The following HYAL3 variants were observed in gnomAD, a reference collection of about 807,000 sequenced individuals.
The protein encoded by HYAL3 is hyaluronidase-3.
In HYAL3, 25 loss-of-function variants were observed where a neutral mutation model predicts 29.6. That is an observed-to-expected ratio of 0.85 (90% CI 0.62 to 1.18). The LOEUF (loss-of-function observed/expected upper bound fraction) is 1.18. Among genes scored for constraint, HYAL3 ranks in the 50% most tolerant of loss-of-function variants. The pLI, the probability that HYAL3 is intolerant of heterozygous loss-of-function variation, is 0.00. For synonymous variants in HYAL3, 215 were observed against 218.3 expected (o/e 0.99, Z 0.13); for missense variants, 442 against 548.4 (o/e 0.81, Z 1.94).
In HYAL3 at chr3:50,299,333, T is replaced by G. The variant is rs1702020367; in HGVS notation, c.-138A>C. 6.3e-7 allele frequency: 1 copy of G among 1,589,898 alleles called. No individual in the cohort carries two copies. Among genetic ancestry groups the G allele is most frequent in the Non-Finnish European group, 8.5e-7 (1 of 1,170,056 alleles). ...TTGGCCCCCAGCGGTGCGGCGGATG[T>G]TCTGCAGCCGTCGCGTCCTGCGGCA... On this transcript the variant is annotated 5_prime_UTR_variant, in exon 1 of 4. Coordinates refer to ENST00000336307, the MANE Select transcript of HYAL3 (RefSeq NM_003549.4).
In HYAL3 at chr3:50,296,635, G is replaced by A. The variant is rs74426485; in HGVS notation, c.-17-1016C>T. On this transcript the variant is annotated intron_variant, in intron 1 of 3. Coordinates refer to ENST00000336307, the MANE Select transcript of HYAL3 (RefSeq NM_003549.4). ...TCTTTTTCCATCCAGAATATGGGGC[G>A]CCCCCTCACATTTTGATATTGTGTC... The A allele has an allele frequency of 2.0e-4, 318 of 1,614,002 alleles. 1 individual carries two copies. The highest frequency in any genetic ancestry group is 2.3e-4 in the South Asian group (21 of 91,082).
chr3:50,293,023 G>C lies in HYAL3; in HGVS notation c.*223C>G, dbSNP rs781893168. ...ACTAGCTGGAACCTGACTCTCCCTG[G>C]AACTGCTTCCTTGCCATGGAGGACT... On this transcript the variant is annotated 3_prime_UTR_variant, in exon 4 of 4. Transcript: ENST00000336307. 5.3e-6 allele frequency: 8 copies of C among 1,498,032 alleles called. No homozygotes were observed. In the African/African-American group the frequency reaches 5.5e-5, roughly 10 times the overall value. 92.8% of individuals were successfully genotyped at this position (1,498,032 alleles called of 1,614,324 possible).
In HYAL3 at chr3:50,293,715, G is replaced by A. The variant is rs782417169; in HGVS notation, c.901C>T (p.Leu301Phe). 6.2e-6 allele frequency: 10 copies of A among 1,613,632 alleles called. No individual in the cohort carries two copies. The highest frequency in any genetic ancestry group is 7.6e-6 in the Non-Finnish European group (9 of 1,180,020). The change falls in exon 3 of 4, where the codon CTT (leucine) becomes TTT (phenylalanine). Residue 301 changes from leucine (L) to phenylalanine (F), a missense_variant. Transcript: ENST00000336307. ...RSGRFLSQDD[L>F]VQSIGVSAAL... is the part of the protein sequence containing the mutation. ...GCACTCACACCAATGGACTGCACAA[G>A]GTCATCCTGGAGGCAGAGAGCTGCT... is the stretch of plus-strand genomic sequence containing the variant.
chr3:50,293,837 AG>A lies in HYAL3; in HGVS notation c.895-117del, dbSNP rs1701750213. 3.2e-6 allele frequency: 3 copies of A among 931,836 alleles called. No homozygotes were observed. The Admixed American group carries it at 6.1e-5, about 19-fold the overall frequency. 57.7% of individuals were successfully genotyped at this position (931,836 alleles called of 1,614,324 possible). A position where few individuals can be genotyped will look rare whatever the true frequency, so the allele number is the denominator to read the frequency against. On this transcript the variant is annotated intron_variant, in intron 2 of 3. Transcript: ENST00000336307. ...CACAATCTGATTCTAACTCTACAGT[AG>A]GGACTCTCTAGTTTGGTTTGGTTTT...
rs781989637 is a variant in HYAL3, at chr3:50,295,538, G to C, written c.65C>G (p.Pro22Arg). The C allele has an allele frequency of 2.1e-5, 34 of 1,591,472 alleles. No homozygotes were observed. In the South Asian group the frequency reaches 3.8e-4, roughly 18 times the overall value. Residue 22 changes from proline (P) to arginine (R), a missense_variant, in exon 2 of 4, where the codon CCC becomes CGC. Pro to Arg is a moderately radical substitution (Grantham distance 103, BLOSUM62 -2). Coordinates refer to ENST00000336307, the MANE Select transcript of HYAL3 (RefSeq NM_003549.4). The part of the protein sequence containing the change: ...GVALCLGCGQ[P>R]LPQVPERPFS... ...GGGGCGTTCAGGGACCTGTGGTAGG[G>C]GCTGGCCACAACCCAGGCACAGGGC...
In HYAL3 at chr3:50,297,642, A is replaced by G. The variant is rs150868114; in HGVS notation, c.-18+1571T>C. The G allele has an allele frequency of 1.1e-3, 1,540 of 1,447,742 alleles. 14 individuals carry two copies. The African/African-American group carries it at 0.02, about 18-fold the overall frequency. 89.7% of individuals were successfully genotyped at this position (1,447,742 alleles called of 1,614,324 possible). A position where few individuals can be genotyped will look rare whatever the true frequency, so the allele number is the denominator to read the frequency against. On this transcript the variant is annotated intron_variant, in intron 1 of 3. Transcript: ENST00000336307. This position sits in a 1 kb window ranked among gnomAD's most constrained non-coding sequence, Gnocchi z 4.3. ...GTTAAGACCCCAGTCTCCAGGCAGTAGCATCTCTTCAGACCACAGTGGCTC... is the reference window on the plus strand; with the variant it reads ...GTTAAGACCCCAGTCTCCAGGCAGTGGCATCTCTTCAGACCACAGTGGCTC...
chr3:50,296,636 C>T (rs201689655), intron 1 of HYAL3: 1 of 1,614,060 alleles, frequency 6.2e-7, no homozygotes, highest in South Asian at 1.1e-5. Flanking sequence ...ATATGGGGCG[C>T]CCCCTCACAT....
intron 1 of HYAL3, chr3:50,298,673 AG>A: frequency 2.5e-6 from 2 of 815,806 alleles, no homozygotes; most frequent in Non-Finnish European, 3.0e-6. Flanking sequence ...CGGGCAGCTG[AG>A]CCCCCTCCTT....
At chr3:50,296,584 T>C (rs1429391268) in intron 1 of HYAL3, 2 of 1,612,136 alleles carry the variant, frequency 1.2e-6, no homozygotes, top group Middle Eastern at 3.4e-4. Flanking sequence ...AGAAAGACAG[T>C]TCCTTGCCCT....
At chr3:50,296,425 C>T in intron 1 of HYAL3, 4 of 674,734 alleles carry the variant, frequency 5.9e-6, no homozygotes, top group Non-Finnish European at 1.0e-5. Context: ...CTTTATTCAG[C>T]CACACTGACG....
At chr3:50,296,714 G>C in intron 1 of HYAL3, 7 of 1,613,264 alleles carry the variant, frequency 4.3e-6, no homozygotes, top group Non-Finnish European at 5.9e-6. Context: ...AGATGGTCAG[G>C]CACTCAGGTA....
rs1701719378 is a variant in HYAL3 at position 50,293,106 on chromosome 3, C to A, written c.*140G>T. On this transcript the variant is annotated 3_prime_UTR_variant, in exon 4 of 4. Coordinates refer to ENST00000336307, the MANE Select transcript of HYAL3 (RefSeq NM_003549.4). Reference sequence around the variant, plus strand: ...GCGTTTTTTCTGGCCCCTTCTACCCCTCAGGGATTCCAAGGGAAGCGGGGT... The same window carrying A: ...GCGTTTTTTCTGGCCCCTTCTACCCATCAGGGATTCCAAGGGAAGCGGGGT... 6.8e-7 allele frequency: 1 copy of A among 1,479,860 alleles called. No homozygotes were observed. Among genetic ancestry groups the A allele is most frequent in the Non-Finnish European group, 9.4e-7 (1 of 1,065,276 alleles). 91.7% of individuals were successfully genotyped at this position (1,479,860 alleles called of 1,614,324 possible). A position where few individuals can be genotyped will look rare whatever the true frequency, so the allele number is the denominator to read the frequency against.
rs2109281219 is a variant in HYAL3, at chr3:50,293,463, A to G, written c.1037T>C (p.Val346Ala). 1 of 1,613,816 alleles carries G rather than the reference A, an allele frequency of 6.2e-7. No homozygotes were observed. The highest frequency in any genetic ancestry group is 1.1e-5 in the South Asian group (1 of 91,082). ...CATCGCTGCCCTGGTCACATTGATC[A>G]CATAGGGGCCCAAGGTGTCCACCAG... The part of the protein sequence containing the change: ...DYLVDTLGPY[V>A]INVTRAAMAC... Residue 346 changes from valine to alanine, a missense_variant, in exon 4 of 4, where the codon GTG (valine) becomes GCG (alanine). Coordinates refer to ENST00000336307, the MANE Select transcript of HYAL3 (RefSeq NM_003549.4).
chr3:50,296,968 C>T (rs782400136), intron 1 of HYAL3: 17 of 1,593,728 alleles, frequency 1.1e-5, no homozygotes, highest in Non-Finnish European at 1.4e-5. Context: ...AAGCCCCGGG[C>T]CCGAGCAAAG....
At chr3:50,296,997 A>G in intron 1 of HYAL3, 2 of 1,562,168 alleles carry the variant, frequency 1.3e-6, no homozygotes, top group Non-Finnish European at 1.7e-6. Context: ...GCCCTCCATG[A>G]GGCGGCGGCC....
At position 50,292,994 on chromosome 3, in the gene HYAL3, C is replaced by A; in HGVS notation, c.*252G>T. ...AGGCACAAAGCCCTAGGCTGGCAGC[C>A]CTAACTAGCTGGAACCTGACTCTCC... is the stretch of plus-strand genomic sequence containing the variant. On this transcript the variant is annotated 3_prime_UTR_variant, in exon 4 of 4. Coordinates refer to ENST00000336307, the MANE Select transcript of HYAL3 (RefSeq NM_003549.4). 6.4e-7 allele frequency: 1 copy of A among 1,552,220 alleles called. No homozygotes were observed.
intron 1 of HYAL3, chr3:50,296,656 G>GT: frequency 6.2e-7 from 1 of 1,613,966 alleles, no homozygotes; most frequent in Non-Finnish European, 8.5e-7. Flanking sequence ...TTTTGATATT[G>GT]TGTCTCCAGC....
In HYAL3 at chr3:50,293,656, C is replaced by T. The variant is rs1553710448; in HGVS notation, c.960G>A (p.Gly320=). 1.2e-6 allele frequency: 2 copies of T among 1,613,812 alleles called. No homozygotes were observed. Among genetic ancestry groups the T allele is most frequent in the Non-Finnish European group, 1.7e-6 (2 of 1,180,004 alleles). Residue 320 remains glycine (G), a synonymous_variant, in exon 3 of 4, where the codon GGG becomes GGA. Transcript: ENST00000336307. The part of the protein sequence containing the change: ...ALGAAGVVLW[G]DLSLSSSEEE... ...CCTCAGAGCTGGAGAGGCTCAGGTC[C>T]CCCCAGAGCACCACGCCGGCTGCCC...
In HYAL3 at chr3:50,297,504, C is replaced by T; in HGVS notation, c.-18+1709G>A. ...TAGTGTAGGGGTCAGCTTGGCTGGG[C>T]CAGGGCTCAGAGTCAGCTCTTGCCT... On this transcript the variant is annotated intron_variant, in intron 1 of 3. Coordinates refer to ENST00000336307, the MANE Select transcript of HYAL3 (RefSeq NM_003549.4). The surrounding 1 kb of genome is among the most constrained non-coding windows in gnomAD (Gnocchi z 4.3). The T allele has an allele frequency of 6.5e-7, 1 of 1,544,978 alleles. No individual in the cohort carries two copies. The highest frequency in any genetic ancestry group is 1.2e-5 in the South Asian group (1 of 80,790).
Sources: gnomAD v4.1 joint callset for allele counts on GRCh38, gnomAD v4.1.1 for gene constraint, Gnocchi (gnomAD v3.1) non-coding constraint, MANE v1.5 for transcripts, NCBI Gene and HGNC (gene_info 2026-07-23, HGNC 2026-07-21) for gene names.